Variants in TSPAN15 observed in about 807,000 individuals in gnomAD.
TSPAN15 encodes tetraspanin-15.
A neutral mutation model predicts 34.5 loss-of-function variants in TSPAN15; 20 were observed. The ratio of observed to expected loss-of-function variants is 0.58; its 90% CI spans 0.41 to 0.84. The LOEUF is 0.84. Among genes scored for constraint, TSPAN15 ranks in the 40% least tolerant of loss-of-function variants. TSPAN15 has a pLI of 0.00. For missense variants in TSPAN15, 313 were observed against 386.1 expected (o/e 0.81, Z 1.59); for synonymous variants, 155 against 153.9 (o/e 1.01, Z -0.05).
chr10:69,502,541 C>T (rs1237842427), intron 5 of TSPAN15, among the ~76,000 whole-genome samples: 1 of 152,112 alleles, frequency 6.6e-6, no homozygotes, highest in Non-Finnish European at 1.5e-5. Context: ...CCTGTGGCCC[C>T]GTGCAGGATG....
At chr10:69,511,965 G>A (rs985796311), downstream of TSPAN15, among the ~76,000 whole-genome samples, 2 of 152,106 alleles carry the variant, frequency 1.3e-5, no homozygotes, top group Admixed American at 6.6e-5. Context: ...GGGGAAGATA[G>A]CATTAGAGGG....
chr10:69,460,907 A>T (rs1247388690), intron 1 of TSPAN15, among the ~76,000 whole-genome samples: 1 of 152,074 alleles, frequency 6.6e-6, no homozygotes, highest in Non-Finnish European at 1.5e-5. Context: ...GCTGAGGAGG[A>T]TGAGCACTTC....
chr10:69,519,474 A>G, the TSPAN15 span, among the ~76,000 whole-genome samples: 1 of 152,198 alleles, frequency 6.6e-6, no homozygotes, highest in Admixed American at 6.5e-5. Context: ...GTAAAAAATA[A>G]AAACTAGAAA....
chr10:69,507,946 A>G (rs1435316516), downstream of TSPAN15, among the ~76,000 whole-genome samples: 2 of 151,964 alleles, frequency 1.3e-5, no homozygotes, highest in African/African-American at 4.8e-5. Flanking sequence ...AGGGAAGCGG[A>G]GTTGCCCACA....
chr10:69,495,818 T>C (rs1442106487), intron 4 of TSPAN15, 129 bp downstream of exon 4: 2 of 675,260 alleles, frequency 3.0e-6, no homozygotes, highest in Non-Finnish European at 5.2e-6. Context: ...GCTGGCCAGA[T>C]TGGGAGGCAA....
intron 1 of TSPAN15, among the ~76,000 whole-genome samples, chr10:69,468,709 C>G (rs544951183): frequency 2.8e-4 from 42 of 151,774 alleles, no homozygotes; most frequent in Non-Finnish European, 4.6e-4. Context: ...CTCTAAATAC[C>G]CCAGCATTCG....
downstream of TSPAN15, among the ~76,000 whole-genome samples, chr10:69,508,874 A>G (rs984942771): frequency 6.6e-6 from 1 of 152,222 alleles, no homozygotes; most frequent in African/African-American, 2.4e-5. Flanking sequence ...TCCTGTGCAC[A>G]CATGGTACTA....
At chr10:69,519,420 CA>C in the TSPAN15 span, among the ~76,000 whole-genome samples, 1 of 149,564 alleles carries the variant, frequency 6.7e-6, no homozygotes. Context: ...GACCCTGTCT[CA>C]AAAAAAATAA....
At chr10:69,528,925 C>T in the TSPAN15 span, among the ~76,000 whole-genome samples, 1 of 148,002 alleles carries the variant, frequency 6.8e-6, no homozygotes, top group Non-Finnish European at 1.5e-5. Context: ...GGAAAAGGCA[C>T]CACAAGTTCC....
chr10:69,465,217 TCCCCTGGGG>T (rs202001938), intron 1 of TSPAN15, among the ~76,000 whole-genome samples: 20,164 of 152,112 alleles, frequency 0.13, 1,753 homozygotes, highest in Non-Finnish European at 0.18. Context: ...GCTCTGGGCT[TCCCCTGGGG>T]GTGGCAGTGG....
At chr10:69,493,352 C>G (rs894310073) in intron 3 of TSPAN15, among the ~76,000 whole-genome samples, 4 of 152,314 alleles carry the variant, frequency 2.6e-5, no homozygotes, top group Middle Eastern at 3.4e-3. Flanking sequence ...CATCTCCTCT[C>G]TTCTCTTGGG....
At position 69,507,658 on chromosome 10, in the gene TSPAN15, T is replaced by TG; in HGVS notation, c.*680_*681insG. The TG allele has an allele frequency of 8.1e-7, 1 of 1,234,684 alleles. No individual in the cohort carries two copies. The highest frequency in any genetic ancestry group is 1.0e-6 in the Non-Finnish European group (1 of 957,496). The allele number at this position is 1,234,684 out of a possible 1,614,324, so 76.5% of individuals were successfully genotyped here. On this transcript the variant is annotated 3_prime_UTR_variant, in exon 8 of 8. Transcript: ENST00000373290. Reference sequence around the variant, plus strand: ...ATCAAACAATAAAAACATGTTTTTTTTTTTTTTTTTTTTTTGCCTTTCCTG... The same window carrying TG: ...ATCAAACAATAAAAACATGTTTTTTTGTTTTTTTTTTTTTTTGCCTTTCCTG...
chr10:69,526,282 G>T, the TSPAN15 span, among the ~76,000 whole-genome samples: 2 of 147,804 alleles, frequency 1.4e-5, no homozygotes, highest in African/African-American at 4.9e-5. Flanking sequence ...TCGCAAATAG[G>T]TCTGTAACCA....
intron 5 of TSPAN15, among the ~76,000 whole-genome samples, chr10:69,501,961 GAC>G (rs1564616190): frequency 6.6e-6 from 1 of 151,972 alleles, no homozygotes; most frequent in African/African-American, 2.4e-5. Context: ...GTTTCATCCC[GAC>G]ACCATCACCC....
At chr10:69,529,894 T>C in the TSPAN15 span, among the ~76,000 whole-genome samples, 1 of 146,510 alleles carries the variant, frequency 6.8e-6, no homozygotes, top group South Asian at 2.2e-4. Context: ...CTTATGCCTT[T>C]GCATCCTCAT....
chr10:69,510,251 TC>T (rs1219559763), downstream of TSPAN15, among the ~76,000 whole-genome samples: 4 of 152,360 alleles, frequency 2.6e-5, no homozygotes, highest in African/African-American at 9.6e-5. Context: ...TTCTCTTATT[TC>T]CTTGAGCACT....
intron 1 of TSPAN15, among the ~76,000 whole-genome samples, chr10:69,481,468 CT>C (rs566622202): frequency 4.9e-4 from 75 of 152,322 alleles, no homozygotes; most frequent in Admixed American, 2.5e-3. Flanking sequence ...GCTTATTTGA[CT>C]TTTGGCATCC....
intron 1 of TSPAN15, among the ~76,000 whole-genome samples, chr10:69,460,793 G>A (rs1185121266): frequency 6.6e-6 from 1 of 152,154 alleles, no homozygotes; most frequent in African/African-American, 2.4e-5. Flanking sequence ...GAGGAGTGGA[G>A]ATGAGTCTTA....
At chr10:69,521,536 G>A in the TSPAN15 span, among the ~76,000 whole-genome samples, 1 of 147,586 alleles carries the variant, frequency 6.8e-6, no homozygotes, top group African/African-American at 2.5e-5. Flanking sequence ...GATCACACCA[G>A]TGCACTCTGG....
Sources: gnomAD v4.1 joint callset for allele counts (sites outside exome capture counted in the v4.1 genomes callset) on GRCh38, gnomAD v4.1.1 for gene constraint, MANE v1.5 for transcripts, NCBI Gene and HGNC (gene_info 2026-07-23, HGNC 2026-07-21) for gene names.